Variants in EPG5 observed in about 807,000 individuals in gnomAD.
EPG5 encodes ectopic P granules protein 5 homolog.
A neutral mutation model predicts 302.7 loss-of-function variants in EPG5; 159 were observed. The observed-to-expected ratio is 0.53, with a 90% CI of 0.46 to 0.60. The LOEUF is 0.60. EPG5 is among the 20% of genes least tolerant of loss of function. EPG5 has a pLI of 0.00. For missense variants in EPG5, 2,896 were observed against 3,092.4 expected, an observed-to-expected ratio of 0.94 and a Z score of 1.51; for synonymous variants, 1,158 against 1,136.8, an observed-to-expected ratio of 1.02 and a Z score of -0.37.
chr18:45,915,682 T>C, intron 19 of EPG5, 61 bp from the exon 20 acceptor site: 1 of 1,257,100 alleles, frequency 8.0e-7, no homozygotes, highest in Non-Finnish European at 1.2e-6. Context: ...TCAATGACCT[T>C]TACAAGAGTA....
chr18:45,924,026 C>CA (rs533114460), intron 14 of EPG5, among the ~76,000 whole-genome samples: 1,058 of 96,332 alleles, frequency 0.011, 16 homozygotes, highest in African/African-American at 0.025. Flanking sequence ...GATTCTGACT[C>CA]AAAAAAAAAA....
the EPG5 span, among the ~76,000 whole-genome samples, chr18:45,815,280 A>G: frequency 7.9e-5 from 12 of 152,182 alleles, no homozygotes; most frequent in Non-Finnish European, 1.8e-4. Context: ...CTTTTGGTCC[A>G]AAAGTATTTA....
intron 43 of EPG5, among the ~76,000 whole-genome samples, chr18:45,853,044 T>C (rs1005619991): frequency 1.8e-4 from 27 of 152,328 alleles, no homozygotes; most frequent in Admixed American, 7.2e-4. Context: ...CCCCACCAGA[T>C]TGTCCACTCC....
the EPG5 span, among the ~76,000 whole-genome samples, chr18:45,807,021 G>T: frequency 6.6e-6 from 1 of 152,174 alleles, no homozygotes; most frequent in Non-Finnish European, 1.5e-5. Context: ...CAGTGCTATT[G>T]GCAGGCGGGG....
At chr18:45,860,883 T>A (rs1162947068) in intron 39 of EPG5, among the ~76,000 whole-genome samples, 1 of 152,182 alleles carries the variant, frequency 6.6e-6, no homozygotes, top group African/African-American at 2.4e-5. Context: ...CTTTGTTTTT[T>A]AAATAAGGAA....
Position 45,858,050 on chromosome 18 carries a change from T to G in EPG5, c.7245A>C (p.Ala2415=), listed in dbSNP as rs1245397728. ...QVYPSSVEEE[A]KLFLWWHQVL... is the part of the protein sequence containing the mutation. ...CTTGGTGCCACCACAAAAACAGCTT[T>G]GCCTCTTCCTCCACGGAGCTAGGGG... Residue 2415 remains alanine (A), a synonymous_variant, in exon 42 of 44, where the codon GCA becomes GCC. Transcript: ENST00000282041. 2 of 1,613,416 alleles carry G rather than the reference T, an allele frequency of 1.2e-6. No individual in the cohort carries two copies. The highest frequency in any genetic ancestry group is 3.3e-5 in the Admixed American group (2 of 59,998).
chr18:45,933,913 G>A (rs777703890), intron 11 of EPG5, among the ~76,000 whole-genome samples: 25 of 151,762 alleles, frequency 1.6e-4, no homozygotes, highest in African/African-American at 3.6e-4. Context: ...CTTTTTTAAC[G>A]TATAGGGTAG....
chr18:45,898,897 C>T (rs576630422), intron 27 of EPG5, among the ~76,000 whole-genome samples: 20 of 152,192 alleles, frequency 1.3e-4, no homozygotes, highest in Non-Finnish European at 1.9e-4. Flanking sequence ...GAGGCCGAGG[C>T]GGGTGGATCA....
chr18:45,801,579 A>C, the EPG5 span, among the ~76,000 whole-genome samples: 3 of 152,294 alleles, frequency 2.0e-5, no homozygotes, highest in African/African-American at 7.2e-5. Flanking sequence ...TTAGTGTGCA[A>C]CCCAGAATTT....
Position 45,932,175 on chromosome 18 carries a change from T to A in EPG5, c.2258-1345A>T, listed in dbSNP as rs111465950. ...GAATTATCATTCAAACTTACAATGT[T>A]TAAGGTACAAATCAAGGAAAAGGCC... On this transcript the variant is annotated intron_variant, in intron 11 of 43. Coordinates refer to ENST00000282041, the MANE Select transcript of EPG5 (RefSeq NM_020964.3). 2.0e-3 allele frequency among the ~76,000 whole-genome samples: 303 copies of A among 152,250 alleles called. 1 individual carries two copies. Among genetic ancestry groups the A allele is most frequent in the African/African-American group, 7.1e-3 (296 of 41,580 alleles).
Position 45,927,146 on chromosome 18 carries a change from C to T in EPG5, c.2554-1244G>A, listed in dbSNP as rs188527308. Reference sequence around the variant, plus strand: ...CTCCCAGGTTCATGCCATTCTCCTGCCTCAGCCTCCTGAGTAGCTGGGACT... The same window carrying T: ...CTCCCAGGTTCATGCCATTCTCCTGTCTCAGCCTCCTGAGTAGCTGGGACT... On this transcript the variant is annotated intron_variant, in intron 13 of 43. Transcript: ENST00000282041. 5.1e-3 allele frequency among the ~76,000 whole-genome samples: 780 copies of T among 151,844 alleles called. 12 individuals are homozygous for T. Among genetic ancestry groups the T allele is most frequent in the African/African-American group, 0.017 (684 of 41,422 alleles).
At chr18:45,914,187 A>C (rs1020333946) in intron 20 of EPG5, among the ~76,000 whole-genome samples, 1 of 152,238 alleles carries the variant, frequency 6.6e-6, no homozygotes, top group Non-Finnish European at 1.5e-5. Flanking sequence ...AGACTAATAT[A>C]TAAGTAAGCA....
At chr18:45,827,778 G>A in the EPG5 span, among the ~76,000 whole-genome samples, 3 of 152,182 alleles carry the variant, frequency 2.0e-5, no homozygotes, top group Non-Finnish European at 4.4e-5. Flanking sequence ...CGAGGCTTTG[G>A]GGATTTTAGG....
the EPG5 span, among the ~76,000 whole-genome samples, chr18:45,832,040 T>C: frequency 3.9e-5 from 6 of 152,228 alleles, no homozygotes; most frequent in Admixed American, 3.9e-4. Context: ...CCCAACATCT[T>C]AACCCCCTGT....
At chr18:45,825,682 AG>A in the EPG5 span, 1 of 1,597,604 alleles carries the variant, frequency 6.3e-7, no homozygotes, top group Non-Finnish European at 8.6e-7. Context: ...CTCACTGGGG[AG>A]GTGGCCGAGA....
chr18:45,938,278 T>C (rs1240899577), intron 10 of EPG5, among the ~76,000 whole-genome samples: 1 of 152,020 alleles, frequency 6.6e-6, no homozygotes, highest in Non-Finnish European at 1.5e-5. Flanking sequence ...CTGGCCAACA[T>C]GGTGAAACCC....
chr18:45,828,048 C>T, the EPG5 span, among the ~76,000 whole-genome samples: 4 of 152,340 alleles, frequency 2.6e-5, no homozygotes, highest in East Asian at 3.9e-4. Flanking sequence ...CACTTCCTGA[C>T]GCTCTTCTGG....
intron 36 of EPG5, chr18:45,868,112 T>C (rs1448991699): frequency 2.2e-6 from 1 of 460,862 alleles, no homozygotes; most frequent in Non-Finnish European, 4.3e-6. Context: ...AAAGTTGAAA[T>C]TTACTAGTCA....
the EPG5 span, among the ~76,000 whole-genome samples, chr18:45,836,229 C>T: frequency 5.8e-4 from 89 of 152,284 alleles, no homozygotes; most frequent in Admixed American, 1.2e-3. Flanking sequence ...ACCTGTGTGA[C>T]TCTGAGCCTT....
Sources: allele counts gnomAD v4.1 joint callset (sites outside exome capture counted in the v4.1 genomes callset), GRCh38; gene constraint gnomAD v4.1.1; transcripts MANE v1.5; gene names NCBI Gene and HGNC (gene_info 2026-07-23, HGNC 2026-07-21).